AVEN: variants seen among roughly 807,000 people sequenced by gnomAD.
The protein encoded by AVEN is cell death regulator Aven.
AVEN carries 41 observed loss-of-function variants against 38.1 expected under a neutral mutation model. The observed-to-expected ratio is 1.08, with a 90% CI of 0.84 to 1.40. AVEN has a LOEUF of 1.40. AVEN is among the 40% of genes most tolerant of loss of function. AVEN has a pLI of 0.00. For synonymous variants in AVEN, 206 were observed against 171.8 expected (o/e 1.20, Z -1.56); for missense variants, 605 against 438.8 (o/e 1.38, Z -3.38).
At chr15:33,969,879 T>C (rs1000143686) in intron 2 of AVEN, among the ~76,000 whole-genome samples, 3 of 151,988 alleles carry the variant, frequency 2.0e-5, no homozygotes, top group Non-Finnish European at 4.4e-5. Context: ...TCAAAGGATT[T>C]TAAAAGATAC....
intron 2 of AVEN, among the ~76,000 whole-genome samples, chr15:33,996,574 G>C (rs1051532897): frequency 3.9e-5 from 6 of 152,230 alleles, no homozygotes; most frequent in Admixed American, 3.3e-4. Context: ...GGCCTGGAGT[G>C]GACCTCCCAC....
At chr15:33,986,950 C>A (rs967607887) in intron 2 of AVEN, among the ~76,000 whole-genome samples, 8 of 152,232 alleles carry the variant, frequency 5.3e-5, no homozygotes, top group African/African-American at 1.7e-4. Flanking sequence ...AGCCACCGCG[C>A]CCAGCCCAGG....
intron 2 of AVEN, among the ~76,000 whole-genome samples, chr15:33,982,498 G>A (rs1896196881): frequency 6.6e-6 from 1 of 152,150 alleles, no homozygotes; most frequent in Non-Finnish European, 1.5e-5. Context: ...ATGGTTAAGA[G>A]GCCAAATCTC....
intron 4 of AVEN, chr15:34,064,380 C>A (rs1451978410): frequency 1.3e-6 from 2 of 1,486,498 alleles, no homozygotes; most frequent in Non-Finnish European, 1.8e-6. Flanking sequence ...GATGAGCAAG[C>A]TGATTCTGGT....
chr15:33,937,924 T>C (rs1376070011), intron 2 of AVEN, among the ~76,000 whole-genome samples: 36 of 84,686 alleles, frequency 4.3e-4, no homozygotes, highest in Non-Finnish European at 4.7e-4. Flanking sequence ...TACAAATCCC[T>C]ACTTGACCAA....
intron 2 of AVEN, among the ~76,000 whole-genome samples, chr15:33,933,745 G>C (rs895597053): frequency 1.3e-5 from 2 of 152,176 alleles, no homozygotes; most frequent in Admixed American, 1.3e-4. Context: ...GATCACCTGA[G>C]GCCGGGAGTT....
At chr15:34,075,124 C>T (rs1255953270) in exon 1 of AVEN, among the ~76,000 whole-genome samples, 1 of 142,242 alleles carries the variant, frequency 7.0e-6, no homozygotes. Flanking sequence ...TTGCAGTGGA[C>T]CAAGCCAAGA....
Position 34,006,498 on chromosome 15 carries a change from T to C in AVEN, c.268-3289A>G, listed in dbSNP as rs901121398. Among the ~76,000 whole-genome samples, 3 of 152,128 alleles carry C rather than the reference T, an allele frequency of 2.0e-5. No individual in the cohort carries two copies. In the South Asian group the frequency reaches 6.2e-4, roughly 32 times the overall value. On this transcript the variant is annotated intron_variant, in intron 1 of 5. Transcript: ENST00000306730. ...AACCTCTGAACACAGCTGTAACACA[T>C]GGCAAAAATGTAAATCTGGGCAAAA...
At chr15:34,066,069 A>G (rs1438485540) in exon 4 of AVEN, 1 of 152,288 alleles carries the variant, frequency 6.6e-6, no homozygotes, top group African/African-American at 2.4e-5. Flanking sequence ...CTCAGGCAGG[A>G]CGGGACTGGT....
chr15:33,924,148 A>C (rs1279791471), intron 2 of AVEN, among the ~76,000 whole-genome samples: 1 of 151,830 alleles, frequency 6.6e-6, no homozygotes, highest in Non-Finnish European at 1.5e-5. Flanking sequence ...GGGGACCACT[A>C]ATGCATAGTA....
chr15:33,901,214 C>T (rs932564845), intron 2 of AVEN, among the ~76,000 whole-genome samples: 2 of 152,130 alleles, frequency 1.3e-5, no homozygotes, highest in African/African-American at 4.8e-5. Flanking sequence ...TTGCAGTGAG[C>T]GGAGATCGCA....
chr15:33,861,696 C>T (rs904763106), downstream of AVEN, among the ~76,000 whole-genome samples: 1 of 152,306 alleles, frequency 6.6e-6, no homozygotes, highest in Admixed American at 6.5e-5. Flanking sequence ...GGGCCTGTAA[C>T]CTGCATGTTG....
At chr15:34,036,283 C>T (rs2632089) in intron 1 of AVEN, among the ~76,000 whole-genome samples, 151,106 of 152,288 alleles carry the variant, frequency 0.99, 74,979 homozygotes, top group Middle Eastern at 1. Context: ...CTAAGTTACC[C>T]TGGAGTATTA....
At chr15:33,858,191 G>T, downstream of AVEN, 1 of 372,370 alleles carries the variant, frequency 2.7e-6, no homozygotes, top group Non-Finnish European at 4.8e-6. Flanking sequence ...TCTATTTCCG[G>T]GGTAAAGATG....
At chr15:34,069,527 T>G (rs972892838) in intron 2 of AVEN, among the ~76,000 whole-genome samples, 1 of 152,200 alleles carries the variant, frequency 6.6e-6, no homozygotes, top group African/African-American at 2.4e-5. Flanking sequence ...ATTTAATTGT[T>G]TTTGGGGGGC....
At chr15:34,025,796 A>T (rs2140737208) in intron 1 of AVEN, among the ~76,000 whole-genome samples, 1 of 140,888 alleles carries the variant, frequency 7.1e-6, no homozygotes, top group African/African-American at 2.5e-5. Flanking sequence ...GCATGTGTAA[A>T]GCGGAGGAAG....
At chr15:33,877,123 A>T (rs919021344) in intron 2 of AVEN, among the ~76,000 whole-genome samples, 1 of 152,204 alleles carries the variant, frequency 6.6e-6, no homozygotes, top group Non-Finnish European at 1.5e-5. Flanking sequence ...GCAGTTTTAT[A>T]AAGTTTCCTA....
Position 34,063,745 on chromosome 15 carries a change from A to T in AVEN, n.1127-313T>A, listed in dbSNP as rs760369967. Reference sequence around the variant, plus strand: ...GAAGAATTCAGTGCTGAAGAGACTGAGGAAACTTTTGTGAAAGCTGAAACT... The same window carrying T: ...GAAGAATTCAGTGCTGAAGAGACTGTGGAAACTTTTGTGAAAGCTGAAACT... On this transcript the variant is annotated intron_variant and non_coding_transcript_variant, in intron 4 of 11. Coordinates refer to the AVEN transcript ENST00000675287. The surrounding 1 kb of genome is among the most constrained non-coding windows in gnomAD (Gnocchi z 4.1). 1.7e-5 allele frequency: 28 copies of T among 1,614,136 alleles called. No individual in the cohort carries two copies. The East Asian group carries it at 6.0e-4, about 35-fold the overall frequency.
rs1033597213 is a variant in AVEN, at chr15:33,967,447, T to C, written c.445+35585A>G. ...GTCCATACTTTAAAAATATACATACTAAAGTACAAATAGGTGAAATGAGAT... is the reference window on the plus strand; with the variant it reads ...GTCCATACTTTAAAAATATACATACCAAAGTACAAATAGGTGAAATGAGAT... On this transcript the variant is annotated intron_variant, in intron 2 of 5. Transcript: ENST00000306730. 2.6e-5 allele frequency among the ~76,000 whole-genome samples: 4 copies of C among 152,204 alleles called. 1 individual carries two copies. Among genetic ancestry groups the C allele is most frequent in the African/African-American group, 4.8e-5 (2 of 41,576 alleles).
Sources: gnomAD v4.1 joint callset for allele counts (sites outside exome capture counted in the v4.1 genomes callset) on GRCh38, gnomAD v4.1.1 for gene constraint, Gnocchi (gnomAD v3.1) non-coding constraint, MANE v1.5 for transcripts, NCBI Gene and HGNC (gene_info 2026-07-23, HGNC 2026-07-21) for gene names.